NTN1: variants seen among roughly 807,000 people sequenced by gnomAD.
NTN1 encodes the protein netrin-1.
NTN1 carries 11 observed loss-of-function variants against 54.2 expected under a neutral mutation model. That is an observed-to-expected ratio of 0.20 (90% confidence interval 0.13 to 0.34). The LOEUF is 0.34. Ranked by LOEUF, NTN1 falls within the 10% of genes least tolerant of loss-of-function variation. The pLI, the probability that NTN1 is intolerant of heterozygous loss-of-function variation, is 1.00. For missense variants in NTN1, 740 were observed against 893.1 expected (o/e 0.83, Z 2.18); for synonymous variants, 371 against 382.0 (o/e 0.97, Z 0.33).
In NTN1 at chr17:9,221,147, TCCC is replaced by T; in HGVS notation, c.1412-15_1412-13del. ...CAGCCTAATTAGTTTTTGTCTGTGC[TCCC>T]CCCCCACCCCCCTGCAGACTGCGAT... On this transcript the variant is annotated intron_variant, in intron 5 of 6. Coordinates refer to ENST00000173229, the MANE Select transcript of NTN1 (RefSeq NM_004822.3). The surrounding 1 kb of genome is among the most constrained non-coding windows in gnomAD (Gnocchi z 4.5). 4 of 1,303,774 alleles carry T rather than the reference TCCC, an allele frequency of 3.1e-6. No individual in the cohort carries two copies. Among genetic ancestry groups the T allele is most frequent in the Non-Finnish European group, 4.2e-6 (4 of 952,848 alleles). 80.8% of individuals were successfully genotyped at this position (1,303,774 alleles called of 1,614,324 possible). A position where few individuals can be genotyped will look rare whatever the true frequency, so the allele number is the denominator to read the frequency against.
At chr17:9,217,810 C>T (rs1226371184) in intron 5 of NTN1, among the ~76,000 whole-genome samples, 2 of 135,650 alleles carry the variant, frequency 1.5e-5, no homozygotes, top group Non-Finnish European at 3.0e-5. Context: ...GCAACAAGCA[C>T]ACTGATCTGA....
At chr17:9,202,029 TACACACAC>T (rs1200661283) in intron 5 of NTN1, among the ~76,000 whole-genome samples, 1 of 26,818 alleles carries the variant, frequency 3.7e-5, no homozygotes, top group Non-Finnish European at 6.3e-5. Context: ...CTACTAAAAA[TACACACAC>T]ACACACACAC....
chr17:9,046,603 A>G (rs994845967), intron 2 of NTN1, among the ~76,000 whole-genome samples: 2 of 152,176 alleles, frequency 1.3e-5, no homozygotes, highest in East Asian at 1.9e-4. Context: ...CCTGGGCAAC[A>G]TGGCGAAACC....
intron 2 of NTN1, among the ~76,000 whole-genome samples, chr17:9,057,330 A>G (rs1057185609): frequency 6.6e-6 from 1 of 152,150 alleles, no homozygotes; most frequent in Admixed American, 6.5e-5. Flanking sequence ...ATGTTGGCTG[A>G]AATAATTTCA....
At chr17:9,028,401 C>T (rs1029321401) in intron 2 of NTN1, among the ~76,000 whole-genome samples, 23 of 152,050 alleles carry the variant, frequency 1.5e-4, no homozygotes, top group African/African-American at 4.3e-4. Context: ...TCAGGAACCT[C>T]GAGGCAAGGA....
chr17:9,155,148 G>T lies in NTN1; in HGVS notation c.1019-7665G>T, dbSNP rs59963092. Among the ~76,000 whole-genome samples, 893 of 152,278 alleles carry T rather than the reference G, an allele frequency of 5.9e-3. 11 individuals carry two copies. Among genetic ancestry groups the T allele is most frequent in the African/African-American group, 0.021 (864 of 41,546 alleles). On this transcript the variant is annotated intron_variant, in intron 2 of 6. Transcript: ENST00000173229. ...GCCTCCTTGAGTGTTAGTCTTGACA[G>T]CTCTGGTCACCGTTGAAAACAGTGC...
At position 9,186,055 on chromosome 17, in the gene NTN1, C is replaced by A. The variant is rs149491179; in HGVS notation, c.1411+3086C>A. Among the ~76,000 whole-genome samples the A allele has an allele frequency of 3.6e-3, 554 of 152,144 alleles. 1 individual carries two copies. Among genetic ancestry groups the A allele is most frequent in the African/African-American group, 0.013 (540 of 41,510 alleles). On this transcript the variant is annotated intron_variant, in intron 5 of 6. Coordinates refer to ENST00000173229, the MANE Select transcript of NTN1 (RefSeq NM_004822.3). ...CAGAGGCACCTGCTTGTTCTCGGTCCGCCCCTGAGGATCCACTTCTCCCAC... is the reference window on the plus strand; with the variant it reads ...CAGAGGCACCTGCTTGTTCTCGGTCAGCCCCTGAGGATCCACTTCTCCCAC...
At chr17:9,200,119 T>C (rs560823165) in intron 5 of NTN1, among the ~76,000 whole-genome samples, 13 of 152,386 alleles carry the variant, frequency 8.5e-5, no homozygotes, top group African/African-American at 3.1e-4. Context: ...CCTTCTTTCA[T>C]GACCTTCCCA....
Position 9,161,703 on chromosome 17 carries a change from G to A in NTN1, c.1019-1110G>A, listed in dbSNP as rs1342696823. On this transcript the variant is annotated intron_variant, in intron 2 of 6. Transcript: ENST00000173229. Reference sequence around the variant, plus strand: ...TGAGGCAAGAGAATCGCTTGAACCCGGGAGGCGGAGGTTGCAGTGAGCCGA... The same window carrying A: ...TGAGGCAAGAGAATCGCTTGAACCCAGGAGGCGGAGGTTGCAGTGAGCCGA... Among the ~76,000 whole-genome samples the A allele has an allele frequency of 3.3e-5, 5 of 152,116 alleles. No homozygotes were observed. The East Asian group carries it at 7.7e-4, about 23-fold the overall frequency.
chr17:9,006,419 A>G, the NTN1 span, among the ~76,000 whole-genome samples: 849 of 152,092 alleles, frequency 5.6e-3, 15 homozygotes, highest in African/African-American at 0.019. Context: ...GAGGTGGTGG[A>G]CTCCTGAGCC....
At chr17:9,151,576 A>AG (rs2092327768) in intron 2 of NTN1, among the ~76,000 whole-genome samples, 1 of 151,940 alleles carries the variant, frequency 6.6e-6, no homozygotes, top group African/African-American at 2.4e-5. Flanking sequence ...GGGGAGGGGG[A>AG]AGGGAGGGTG....
chr17:9,006,422 C>T, the NTN1 span, among the ~76,000 whole-genome samples: 1 of 152,128 alleles, frequency 6.6e-6, no homozygotes, highest in South Asian at 2.1e-4. Context: ...GTGGTGGACT[C>T]CTGAGCCCTT....
intron 2 of NTN1, among the ~76,000 whole-genome samples, chr17:9,025,219 C>A (rs905854843): frequency 1.3e-5 from 2 of 152,216 alleles, no homozygotes; most frequent in African/African-American, 2.4e-5. Flanking sequence ...CACCCACCCC[C>A]AGGTCTTGCC....
chr17:9,126,307 G>A (rs558476739), intron 2 of NTN1, among the ~76,000 whole-genome samples: 1 of 152,314 alleles, frequency 6.6e-6, no homozygotes, highest in South Asian at 2.1e-4. Flanking sequence ...TCAGGAGTTC[G>A]AGACCAGCCT....
At chr17:9,096,726 CTCTTT>C (rs939820515) in intron 2 of NTN1, among the ~76,000 whole-genome samples, 1 of 152,128 alleles carries the variant, frequency 6.6e-6, no homozygotes, top group Middle Eastern at 3.2e-3. Flanking sequence ...GCCATTCATT[CTCTTT>C]TCTTGTCTTC....
chr17:9,217,853 C>G (rs1905246966), intron 5 of NTN1, among the ~76,000 whole-genome samples: 1 of 42,454 alleles, frequency 2.4e-5, no homozygotes, highest in Admixed American at 3.6e-4. Flanking sequence ...AGGAAAGACA[C>G]CAAAAAAAAA....
chr17:9,110,549 A>C (rs985375032), intron 2 of NTN1, among the ~76,000 whole-genome samples: 2 of 151,962 alleles, frequency 1.3e-5, no homozygotes, highest in African/African-American at 4.8e-5. Flanking sequence ...CTGGGATTAC[A>C]GGCCTGAGCC....
chr17:9,065,670 G>A (rs887857924), intron 2 of NTN1, among the ~76,000 whole-genome samples: 4 of 152,312 alleles, frequency 2.6e-5, no homozygotes, highest in South Asian at 2.1e-4. Flanking sequence ...GGTATAGCCC[G>A]TGAGCTCAGT....
chr17:9,059,424 G>A (rs529136661), intron 2 of NTN1, among the ~76,000 whole-genome samples: 18 of 152,270 alleles, frequency 1.2e-4, no homozygotes, highest in African/African-American at 2.9e-4. Context: ...CCACATGTCC[G>A]TGAACAAATG....
Sources: gnomAD v4.1 joint callset for allele counts (sites outside exome capture counted in the v4.1 genomes callset) on GRCh38, gnomAD v4.1.1 for gene constraint, Gnocchi (gnomAD v3.1) non-coding constraint, MANE v1.5 for transcripts, NCBI Gene and HGNC (gene_info 2026-07-23, HGNC 2026-07-21) for gene names.